C4orf33: variants seen among roughly 807,000 people sequenced by gnomAD.
The protein encoded by C4orf33 is chromosome 4 open reading frame 33, also known as UPF0462 protein C4orf33.
C4orf33 carries 20 observed loss-of-function variants against 24.3 expected under a neutral mutation model. The observed-to-expected ratio is 0.82, with a 90% confidence interval of 0.58 to 1.19. C4orf33 has a LOEUF of 1.19. Among genes scored for constraint, C4orf33 ranks in the 50% most tolerant of loss-of-function variants. C4orf33 has a pLI of 0.00. For synonymous variants in C4orf33, 67 were observed against 76.4 expected (o/e 0.88, Z 0.64); for missense variants, 207 against 225.9 (o/e 0.92, Z 0.54).
rs749390612 is a variant in C4orf33 at position 129,113,842 on chromosome 4, A to T, written c.*2051A>T. ...TTTTTAAATGTTAGGCTTTTGGAGGACAGAAGATAATGAGCATAATTAATC... is the reference window on the plus strand; with the variant it reads ...TTTTTAAATGTTAGGCTTTTGGAGGTCAGAAGATAATGAGCATAATTAATC... On this transcript the variant is annotated 3_prime_UTR_variant, in exon 6 of 6. Coordinates refer to ENST00000425929, the MANE Select transcript of C4orf33 (RefSeq NM_001099783.2). The T allele has an allele frequency of 1.3e-5, 2 of 151,864 alleles. No homozygotes were observed. Among genetic ancestry groups the T allele is most frequent in the Non-Finnish European group, 2.9e-5 (2 of 67,978 alleles). The allele number at this position is 151,864 out of a possible 1,614,324, so 9.4% of individuals were successfully genotyped here. A position where few individuals can be genotyped will look rare whatever the true frequency, so the allele number is the denominator to read the frequency against.
At chr4:129,096,995 C>CG (rs1280871515) in intron 1 of C4orf33, among the ~76,000 whole-genome samples, 1 of 152,114 alleles carries the variant, frequency 6.6e-6, no homozygotes, top group African/African-American at 2.4e-5. Flanking sequence ...CTGCAACCTC[C>CG]GCCTCCGGGT....
In C4orf33 at chr4:129,109,318, A is replaced by T. The variant is rs774552907; in HGVS notation, c.254A>T (p.His85Leu). ...CTTAATTTTGACAGCCACGGACAGC[A>T]TTTAGTGCTTTTACTTTCTGGAAGA... ...LEVELCPHGQ[H>L]LVLLLSGRRN... Residue 85 changes from histidine to leucine, a missense_variant, in exon 4 of 6, where the codon CAT (histidine) becomes CTT (leucine). Physicochemically the swap from His to Leu is moderately conservative, Grantham distance 99. Coordinates refer to ENST00000425929, the MANE Select transcript of C4orf33 (RefSeq NM_001099783.2). 7 of 1,614,104 alleles carry T rather than the reference A, an allele frequency of 4.3e-6. No individual in the cohort carries two copies. The highest frequency in any genetic ancestry group is 5.9e-6 in the Non-Finnish European group (7 of 1,179,920).
intron 5 of C4orf33, chr4:129,110,159 T>C (rs556459161): frequency 1.9e-4 from 47 of 244,120 alleles, no homozygotes; most frequent in Middle Eastern, 4.3e-3. Context: ...AAAATGACCC[T>C]TAAGTGGCAA....
At chr4:129,094,972 A>G (rs1200292917), upstream of C4orf33, among the ~76,000 whole-genome samples, 2 of 152,150 alleles carry the variant, frequency 1.3e-5, no homozygotes, top group Non-Finnish European at 2.9e-5. Flanking sequence ...CTACGCTTAC[A>G]CCCAAACTGG....
intron 2 of C4orf33, among the ~76,000 whole-genome samples, chr4:129,105,011 TGA>T (rs537631808): frequency 4.0e-5 from 6 of 151,612 alleles, no homozygotes; most frequent in East Asian, 1.9e-4. Flanking sequence ...GTATGTATAG[TGA>T]GAGAGAGAGT....
Position 129,102,729 on chromosome 4 carries a change from G to A in C4orf33, c.119G>A (p.Arg40Lys). ...VMMDISAPFF[R>K]DPPAPLGEPG... ...ATGGACATTAGTGCTCCATTTTTCA[G>A]GGATCCTCCAGCCCCACTTGGAGAA... Residue 40 changes from arginine (R) to lysine (K), a missense_variant, in exon 2 of 6, where the codon AGG becomes AAG. By Grantham distance (26) the Arg-to-Lys change is conservative (BLOSUM62 2). Transcript: ENST00000425929. 1 of 1,614,020 alleles carries A rather than the reference G, an allele frequency of 6.2e-7. No homozygotes were observed. The highest frequency in any genetic ancestry group is 8.5e-7 in the Non-Finnish European group (1 of 1,179,962).
intron 5 of C4orf33, among the ~76,000 whole-genome samples, chr4:129,110,679 C>G (rs1221873703): frequency 6.7e-6 from 1 of 149,816 alleles, no homozygotes; most frequent in East Asian, 1.9e-4. Context: ...TCCCTGTTTG[C>G]CTTCTCCTTC....
intron 1 of C4orf33, among the ~76,000 whole-genome samples, chr4:129,099,295 T>C (rs867211499): frequency 6.6e-6 from 1 of 152,322 alleles, no homozygotes; most frequent in African/African-American, 2.4e-5. Flanking sequence ...AGACTTATTA[T>C]ATATTATTTC....
chr4:129,102,673 C>T lies in C4orf33; in HGVS notation c.63C>T (p.Ile21=). The change falls in exon 2 of 6, where the codon ATC becomes ATT. Residue 21 remains isoleucine (I), a synonymous_variant. Transcript: ENST00000425929. ...GFPVKHEPVF[I]RLNPGDRGVM... ...CAGTGAAGCATGAGCCCGTATTTATCAGGCTGAATCCAGGTGACAGAGGAG... is the reference window on the plus strand; with the variant it reads ...CAGTGAAGCATGAGCCCGTATTTATTAGGCTGAATCCAGGTGACAGAGGAG... 1 of 1,614,124 alleles carries T rather than the reference C, an allele frequency of 6.2e-7. No homozygotes were observed. Among genetic ancestry groups the T allele is most frequent in the South Asian group, 1.1e-5 (1 of 91,082 alleles).
intron 5 of C4orf33, among the ~76,000 whole-genome samples, chr4:129,110,671 CCT>C (rs1452930103): frequency 2.0e-5 from 3 of 151,546 alleles, no homozygotes; most frequent in Non-Finnish European, 4.4e-5. Flanking sequence ...CCTTCCTCTC[CCT>C]GTTTGCCTTC....
intron 2 of C4orf33, 89 bp downstream of exon 2, chr4:129,102,880 G>A (rs1394616999): frequency 5.1e-5 from 63 of 1,245,886 alleles, no homozygotes; most frequent in Non-Finnish European, 6.7e-5. Flanking sequence ...CTGTTGGGAA[G>A]TAAGTGCTTC....
At chr4:129,110,621 G>A (rs1753670232) in intron 5 of C4orf33, among the ~76,000 whole-genome samples, 1 of 152,154 alleles carries the variant, frequency 6.6e-6, no homozygotes, top group African/African-American at 2.4e-5. Context: ...ATGGTAGATG[G>A]ACATTCCTGC....
chr4:129,109,995 A>G, intron 5 of C4orf33: 4 of 1,116,148 alleles, frequency 3.6e-6, no homozygotes, highest in Non-Finnish European at 4.4e-6. Context: ...TTTCAGAGCT[A>G]AAGGGCCAGA....
chr4:129,098,333 C>G (rs979657288), intron 1 of C4orf33, among the ~76,000 whole-genome samples: 2 of 152,278 alleles, frequency 1.3e-5, no homozygotes, highest in African/African-American at 2.4e-5. Flanking sequence ...TCCCTCCCCC[C>G]TCTAGTAGTC....
chr4:129,098,165 A>T (rs895496088), intron 1 of C4orf33, among the ~76,000 whole-genome samples: 3 of 152,088 alleles, frequency 2.0e-5, no homozygotes, highest in South Asian at 2.1e-4. Flanking sequence ...ATCTATTATT[A>T]AAAAAATTCA....
intron 1 of C4orf33, among the ~76,000 whole-genome samples, chr4:129,096,847 T>A (rs940835575): frequency 6.6e-6 from 1 of 152,108 alleles, no homozygotes; most frequent in South Asian, 2.1e-4. Context: ...GCATATATAA[T>A]ATAAAGGGGA....
In C4orf33 at chr4:129,108,306, T is replaced by C. The variant is rs116157208; in HGVS notation, c.243-1001T>C. 6.5e-3 allele frequency among the ~76,000 whole-genome samples: 983 copies of C among 152,296 alleles called. 16 individuals are homozygous for C. The highest frequency in any genetic ancestry group is 0.023 in the African/African-American group (945 of 41,566). On this transcript the variant is annotated intron_variant, in intron 3 of 5. Coordinates refer to ENST00000425929, the MANE Select transcript of C4orf33 (RefSeq NM_001099783.2). Reference sequence around the variant, plus strand: ...TTTTTCTAGAGTTAGTGAATTTGCTTCATGTAAATACATGAAATCCTTTGG... The same window carrying C: ...TTTTTCTAGAGTTAGTGAATTTGCTCCATGTAAATACATGAAATCCTTTGG...
chr4:129,108,764 A>G (rs113932928), intron 3 of C4orf33, among the ~76,000 whole-genome samples: 14 of 152,372 alleles, frequency 9.2e-5, no homozygotes, highest in African/African-American at 3.4e-4. Context: ...AAGAATATAA[A>G]AAGCAATCTA....
intron 2 of C4orf33, among the ~76,000 whole-genome samples, chr4:129,104,984 G>T (rs377565371): frequency 6.8e-6 from 1 of 146,798 alleles, no homozygotes; most frequent in South Asian, 2.2e-4. Context: ...GTGTGTGTGT[G>T]ATATATATAC....
Sources: gnomAD v4.1 joint callset for allele counts (sites outside exome capture counted in the v4.1 genomes callset) on GRCh38, gnomAD v4.1.1 for gene constraint, MANE v1.5 for transcripts, NCBI Gene and HGNC (gene_info 2026-07-23, HGNC 2026-07-21) for gene names.